The following AATF variants were observed in gnomAD, a reference collection of about 807,000 sequenced individuals.
AATF encodes the protein protein AATF.
In AATF, 48 loss-of-function variants were observed where a neutral mutation model predicts 63.7. That is an observed-to-expected ratio of 0.75 (90% CI 0.60 to 0.96). The LOEUF (loss-of-function observed/expected upper bound fraction) is 0.96. Ranked by LOEUF, AATF falls within the 40% of genes least tolerant of loss-of-function variation. The pLI is 0.00. For missense variants in AATF, 639 were observed against 685.7 expected (o/e 0.93, Z 0.76); for synonymous variants, 258 against 247.7 (o/e 1.04, Z -0.39).
chr17:36,985,696 A>G (rs1180375680), intron 4 of AATF, among the ~76,000 whole-genome samples: 1 of 150,952 alleles, frequency 6.6e-6, no homozygotes, highest in East Asian at 2.0e-4. Context: ...GCCACCCACC[A>G]CCACCCTCAG....
At chr17:36,979,631 T>G (rs1029342929) in intron 4 of AATF, among the ~76,000 whole-genome samples, 2 of 152,192 alleles carry the variant, frequency 1.3e-5, no homozygotes, top group African/African-American at 4.8e-5. Context: ...CATAAATAAT[T>G]GTAATGTTTG....
chr17:36,955,580 A>G (rs1264377722), intron 4 of AATF, among the ~76,000 whole-genome samples: 1 of 152,216 alleles, frequency 6.6e-6, no homozygotes, highest in Non-Finnish European at 1.5e-5. Flanking sequence ...TGCCTTTGGA[A>G]TGAGACCTAG....
intron 2 of AATF, among the ~76,000 whole-genome samples, chr17:36,951,828 C>G (rs1280589742): frequency 6.6e-6 from 1 of 152,158 alleles, no homozygotes; most frequent in Non-Finnish European, 1.5e-5. Context: ...TTTATATATA[C>G]CTTTTTAAAG....
At chr17:37,052,853 G>A (rs1176529551) in intron 11 of AATF, 1 of 152,206 alleles carries the variant, frequency 6.6e-6, no homozygotes, top group Non-Finnish European at 1.5e-5. Context: ...AGGACTAGAG[G>A]ACAAGCCCTG....
In AATF at chr17:37,031,787, C is replaced by T. The variant is rs1055134465; in HGVS notation, c.1619+102C>T. On this transcript the variant is annotated intron_variant, in intron 11 of 11. Transcript: ENST00000619387. ...TCTCCATTTCTTCTTATCAGTTAAC[C>T]ATTTGTCATTGGCATCGCAGTAAGG... is the stretch of plus-strand genomic sequence containing the variant. 13 of 949,622 alleles carry T rather than the reference C, an allele frequency of 1.4e-5. No individual in the cohort carries two copies. In the Admixed American group the frequency reaches 2.1e-4, roughly 15 times the overall value. 58.8% of individuals were successfully genotyped at this position (949,622 alleles called of 1,614,324 possible).
intron 4 of AATF, among the ~76,000 whole-genome samples, chr17:36,968,632 CTT>C (rs998171947): frequency 6.7e-6 from 1 of 149,476 alleles, no homozygotes; most frequent in Non-Finnish European, 1.5e-5. Context: ...TTTCTTTTTT[CTT>C]TTTTCAAGAG....
chr17:37,033,744 T>C (rs1045539424), intron 11 of AATF: 3 of 154,734 alleles, frequency 1.9e-5, no homozygotes, highest in Non-Finnish European at 4.4e-5. Flanking sequence ...TGCTTCTCGG[T>C]GGTGTTAGGG....
chr17:37,035,033 A>G (rs571493151), intron 11 of AATF, among the ~76,000 whole-genome samples: 1 of 151,242 alleles, frequency 6.6e-6, no homozygotes, highest in East Asian at 2.0e-4. Flanking sequence ...CTGAGGCAGG[A>G]GAATGGCGTG....
At chr17:36,955,143 T>A (rs2070889200) in intron 4 of AATF, among the ~76,000 whole-genome samples, 1 of 152,222 alleles carries the variant, frequency 6.6e-6, no homozygotes, top group South Asian at 2.1e-4. Flanking sequence ...AAACTTATTT[T>A]TTTAGTATCA....
rs529133535 is a variant in AATF at position 36,988,299 on chromosome 17, G to A, written c.948-220G>A. Reference sequence around the variant, plus strand: ...CCACTGCACTCCAGCCTGGGCAACAGAGCAAGACTGTCTCAAAAAAAAAAG... The same window carrying A: ...CCACTGCACTCCAGCCTGGGCAACAAAGCAAGACTGTCTCAAAAAAAAAAG... On this transcript the variant is annotated intron_variant, in intron 5 of 11. Coordinates refer to ENST00000619387, the MANE Select transcript of AATF (RefSeq NM_012138.4). Among the ~76,000 whole-genome samples the A allele has an allele frequency of 9.0e-4, 137 of 152,208 alleles. 1 individual carries two copies. The highest frequency in any genetic ancestry group is 7.7e-4 in the East Asian group (4 of 5,168).
In AATF at chr17:36,953,819, G is replaced by A; in HGVS notation, c.744G>A (p.Leu248=). Residue 248 remains leucine (L), a synonymous_variant, in exon 4 of 12, where the codon CTG becomes CTA. Transcript: ENST00000619387. ...LEGRIKLQKA[L]LTTNQLPQPD... The stretch of plus-strand genomic sequence containing the variant: ...GAAGGATCAAACTACAAAAAGCTCT[G>A]TTGACCACCAACCAGCTTCCTCAAC... 6.2e-7 allele frequency: 1 copy of A among 1,614,120 alleles called. No individual in the cohort carries two copies. Among genetic ancestry groups the A allele is most frequent in the Non-Finnish European group, 8.5e-7 (1 of 1,180,028 alleles).
At chr17:36,980,880 GACATTTACTTTGATA>G (rs1276104784) in intron 4 of AATF, among the ~76,000 whole-genome samples, 2 of 151,136 alleles carry the variant, frequency 1.3e-5, no homozygotes, top group East Asian at 3.9e-4. Context: ...GGCCACTGGT[GACATTTACTTTGATA>G]AACTTTTTTT....
intron 4 of AATF, among the ~76,000 whole-genome samples, chr17:36,955,569 AT>A (rs1207591998): frequency 6.6e-6 from 1 of 152,152 alleles, no homozygotes; most frequent in African/African-American, 2.4e-5. Context: ...AATTCCTGGT[AT>A]GCCTTTGGAA....
chr17:36,953,381 C>T (rs2070872947), intron 3 of AATF, 85 bp downstream of exon 3: 8 of 1,547,844 alleles, frequency 5.2e-6, no homozygotes, highest in Non-Finnish European at 6.1e-6. Flanking sequence ...TGGCTATTCT[C>T]TATCTCCTGT....
rs570262878 is a variant in AATF, at chr17:36,951,554, C to G, written c.283+1149C>G. ...CTCCCAATTGCGCAGGAAGTTATTACTACTTAGCCCCATTTTACAGATAAG... is the reference window on the plus strand; with the variant it reads ...CTCCCAATTGCGCAGGAAGTTATTAGTACTTAGCCCCATTTTACAGATAAG... On this transcript the variant is annotated intron_variant, in intron 2 of 11. Transcript: ENST00000619387. Among the ~76,000 whole-genome samples the G allele has an allele frequency of 2.0e-5, 3 of 152,266 alleles. No homozygotes were observed. The South Asian group carries it at 6.2e-4, about 32-fold the overall frequency.
chr17:37,000,186 C>G (rs1176510791), intron 8 of AATF, among the ~76,000 whole-genome samples: 1 of 152,110 alleles, frequency 6.6e-6, no homozygotes, highest in African/African-American at 2.4e-5. Flanking sequence ...ATGGCAGTGG[C>G]TTAAACTAGG....
chr17:37,020,961 A>G lies in AATF; in HGVS notation c.1494A>G (p.Arg498=). Residue 498 remains arginine (R), a synonymous_variant, in exon 10 of 12, where the codon CGA becomes CGG. Transcript: ENST00000619387. ...AGTGGCTTGCAATCCAGAAGTTACG[A>G]AGCAAAATCCACAAAAAAGTAGATA... is the stretch of plus-strand genomic sequence containing the variant. ...GRQWLAIQKL[R]SKIHKKVDRK... 6.2e-7 allele frequency: 1 copy of G among 1,612,108 alleles called. No homozygotes were observed. Among genetic ancestry groups the G allele is most frequent in the Non-Finnish European group, 8.5e-7 (1 of 1,179,072 alleles).
At chr17:36,979,238 C>A (rs1412510001) in intron 4 of AATF, among the ~76,000 whole-genome samples, 1 of 151,992 alleles carries the variant, frequency 6.6e-6, no homozygotes, top group African/African-American at 2.4e-5. Flanking sequence ...TGAAAAATGC[C>A]GGCCATACAG....
At chr17:36,997,583 G>A (rs1484843062) in intron 8 of AATF, among the ~76,000 whole-genome samples, 2 of 152,158 alleles carry the variant, frequency 1.3e-5, no homozygotes, top group Admixed American at 6.5e-5. Context: ...AGTAGATGCT[G>A]GTGTGGATGT....
Sources: gnomAD v4.1 joint callset for allele counts (sites outside exome capture counted in the v4.1 genomes callset) on GRCh38, gnomAD v4.1.1 for gene constraint, MANE v1.5 for transcripts, NCBI Gene and HGNC (gene_info 2026-07-23, HGNC 2026-07-21) for gene names.